ZNF385D: variants seen among roughly 807,000 people sequenced by gnomAD.
ZNF385D encodes the protein zinc finger protein 659.
ZNF385D carries 15 observed loss-of-function variants against 35.8 expected under a neutral mutation model. The ratio of observed to expected loss-of-function variants is 0.42; its 90% CI spans 0.28 to 0.64. ZNF385D has a LOEUF of 0.64. Among genes scored for constraint, ZNF385D ranks in the 30% least tolerant of loss-of-function variants. The pLI is 0.23. For missense variants in ZNF385D, 474 were observed against 494.6 expected (o/e 0.96, Z 0.39); for synonymous variants, 212 against 186.8 (o/e 1.13, Z -1.10).
chr3:22,047,439 C>A (rs1028977520), intron 3 of ZNF385D, among the ~76,000 whole-genome samples: 3 of 152,068 alleles, frequency 2.0e-5, no homozygotes, highest in Non-Finnish European at 2.9e-5. Flanking sequence ...CACTATTGTA[C>A]TTTCTGCTTC....
intron 3 of ZNF385D, among the ~76,000 whole-genome samples, chr3:21,971,758 A>G (rs927190648): frequency 6.6e-6 from 1 of 151,972 alleles, no homozygotes; most frequent in African/African-American, 2.4e-5. Context: ...ACTGAAAATA[A>G]AGGGATGAAA....
chr3:22,011,627 A>G (rs990257768), intron 3 of ZNF385D, among the ~76,000 whole-genome samples: 1 of 152,170 alleles, frequency 6.6e-6, no homozygotes, highest in Non-Finnish European at 1.5e-5. Context: ...ATAGTAAATT[A>G]GGAAAGTTGT....
chr3:21,526,293 C>T (rs1359239987), intron 3 of ZNF385D, among the ~76,000 whole-genome samples: 1 of 151,978 alleles, frequency 6.6e-6, no homozygotes, highest in Non-Finnish European at 1.5e-5. Context: ...CAGGGCTGGT[C>T]CTGCACACAA....
chr3:22,348,195 T>G (rs1219644291), intron 2 of ZNF385D, among the ~76,000 whole-genome samples: 2 of 152,144 alleles, frequency 1.3e-5, no homozygotes, highest in Non-Finnish European at 2.9e-5. Flanking sequence ...AAGGCATTGT[T>G]ATGAGCTGAC....
At chr3:22,254,795 C>G (rs1700230845) in intron 2 of ZNF385D, among the ~76,000 whole-genome samples, 1 of 151,696 alleles carries the variant, frequency 6.6e-6, no homozygotes, top group African/African-American at 2.4e-5. Flanking sequence ...GGTTACTAAG[C>G]AAAATCGCAG....
At chr3:22,133,296 C>G (rs1431980697) in intron 3 of ZNF385D, among the ~76,000 whole-genome samples, 2 of 151,802 alleles carry the variant, frequency 1.3e-5, no homozygotes, top group Admixed American at 6.6e-5. Flanking sequence ...ACATGAAAAT[C>G]TGAAGTTTAA....
At chr3:21,592,133 A>G (rs948500394) in intron 2 of ZNF385D, among the ~76,000 whole-genome samples, 5 of 152,124 alleles carry the variant, frequency 3.3e-5, no homozygotes, top group African/African-American at 7.2e-5. Context: ...CTTAATTACT[A>G]TAGTTTCTGG....
At chr3:21,857,430 G>C (rs1024130435) in intron 3 of ZNF385D, among the ~76,000 whole-genome samples, 2 of 152,000 alleles carry the variant, frequency 1.3e-5, no homozygotes, top group Admixed American at 1.3e-4. Context: ...AGTTTTAAGA[G>C]ATTTTTTGTT....
chr3:21,653,004 C>A (rs1178042270), intron 2 of ZNF385D, among the ~76,000 whole-genome samples: 2 of 152,040 alleles, frequency 1.3e-5, no homozygotes, highest in Admixed American at 1.3e-4. Flanking sequence ...CTCCTCAGAA[C>A]CACCTGCAAA....
chr3:21,608,288 C>G (rs1346661823), intron 2 of ZNF385D, among the ~76,000 whole-genome samples: 2 of 152,010 alleles, frequency 1.3e-5, no homozygotes, highest in African/African-American at 2.4e-5. Context: ...GGATTACAGG[C>G]GTGAGCCACT....
intron 2 of ZNF385D, among the ~76,000 whole-genome samples, chr3:22,275,099 G>A (rs57431654): frequency 0.045 from 6,838 of 152,040 alleles, 203 homozygotes; most frequent in African/African-American, 0.078. Context: ...CATAACTAGT[G>A]GTAACACAGT....
chr3:21,694,878 A>T (rs2067417193), intron 1 of ZNF385D, among the ~76,000 whole-genome samples: 1 of 152,226 alleles, frequency 6.6e-6, no homozygotes, highest in African/African-American at 2.4e-5. Flanking sequence ...AATTTTAAAA[A>T]ATAGATGAAA....
chr3:22,048,909 T>C (rs922523715), intron 3 of ZNF385D, among the ~76,000 whole-genome samples: 2 of 150,748 alleles, frequency 1.3e-5, no homozygotes, highest in Non-Finnish European at 3.0e-5. Flanking sequence ...CTGTATCTTG[T>C]TGTATTTCTT....
intron 1 of ZNF385D, among the ~76,000 whole-genome samples, chr3:21,688,216 GC>G (rs2067172209): frequency 6.6e-6 from 1 of 151,912 alleles, no homozygotes. Context: ...GCTTGAAACC[GC>G]CTTTGTTCTG....
At chr3:21,445,584 T>G (rs759034710) in intron 4 of ZNF385D, among the ~76,000 whole-genome samples, 1 of 152,218 alleles carries the variant, frequency 6.6e-6, no homozygotes, top group African/African-American at 2.4e-5. Context: ...CTCAGCAATC[T>G]ATATCAATGT....
intron 3 of ZNF385D, among the ~76,000 whole-genome samples, chr3:21,974,602 AG>A (rs1703476420): frequency 6.6e-6 from 1 of 152,252 alleles, no homozygotes; most frequent in Admixed American, 6.5e-5. Flanking sequence ...GCTCCTGCAC[AG>A]TAAAGGATAC....
At chr3:21,782,211 T>C (rs1471141804) in intron 3 of ZNF385D, among the ~76,000 whole-genome samples, 3 of 152,206 alleles carry the variant, frequency 2.0e-5, no homozygotes, top group East Asian at 1.9e-4. Flanking sequence ...CAGTATTCAG[T>C]TGCCCCAGCA....
At chr3:22,337,059 G>A (rs761349807) in intron 2 of ZNF385D, among the ~76,000 whole-genome samples, 6 of 151,334 alleles carry the variant, frequency 4.0e-5, no homozygotes, top group African/African-American at 9.7e-5. Flanking sequence ...TGCTGTCAAA[G>A]AGTAGAAAGT....
At chr3:21,817,438 A>T (rs2073200677) in intron 3 of ZNF385D, among the ~76,000 whole-genome samples, 1 of 152,254 alleles carries the variant, frequency 6.6e-6, no homozygotes, top group African/African-American at 2.4e-5. Flanking sequence ...TACCCATCTG[A>T]CAAAGGGCTA....
Sources: gnomAD v4.1 joint callset for allele counts (sites outside exome capture counted in the v4.1 genomes callset) on GRCh38, gnomAD v4.1.1 for gene constraint, MANE v1.5 for transcripts, NCBI Gene and HGNC (gene_info 2026-07-23, HGNC 2026-07-21) for gene names.